RARB: variants seen among roughly 807,000 people sequenced by gnomAD.
The protein encoded by RARB is retinoic acid receptor beta, also known as HBV-activated protein.
RARB carries 17 observed loss-of-function variants against 51.9 expected under a neutral mutation model. The observed-to-expected ratio is 0.33, with a 90% CI of 0.22 to 0.49. The LOEUF (loss-of-function observed/expected upper bound fraction) is 0.49. RARB is among the 20% of genes least tolerant of loss of function. RARB has a pLI of 0.99. For synonymous variants in RARB, 215 were observed against 195.4 expected, an observed-to-expected ratio of 1.10 and a Z score of -0.84; for missense variants, 369 against 550.8, an observed-to-expected ratio of 0.67 and a Z score of 3.30.
At position 25,240,413 on chromosome 3, in the gene RARB, T is replaced by C. The variant is rs112567412; in HGVS notation, c.178+65838T>C. On this transcript the variant is annotated intron_variant, in intron 5 of 11. Transcript: ENST00000383772. ...GCATCCTTGTCTTGTTCTAGTTCTT[T>C]TAGAAAAGGCTTTCAACTCTTTTCC... Among the ~76,000 whole-genome samples, 427 of 152,294 alleles carry C rather than the reference T, an allele frequency of 2.8e-3. 3 individuals are homozygous for C. Among genetic ancestry groups the C allele is most frequent in the African/African-American group, 9.9e-3 (412 of 41,570 alleles).
intron 2 of RARB, among the ~76,000 whole-genome samples, chr3:24,876,953 C>T (rs1703058344): frequency 6.6e-6 from 1 of 152,046 alleles, no homozygotes; most frequent in African/African-American, 2.4e-5. Flanking sequence ...TTATTAATGC[C>T]AGTGCTATTA....
rs74900286 is a variant in RARB, at chr3:24,930,704, C to G, written c.-380+71952C>G. Among the ~76,000 whole-genome samples the G allele has an allele frequency of 5.9e-5, 9 of 152,170 alleles. No homozygotes were observed. In the East Asian group the frequency reaches 1.7e-3, roughly 29 times the overall value. ...TTATAGCAACACTGTAAGATATGCA[C>G]CCTAATAAAAATGAGGAGACCTGGC... On this transcript the variant is annotated intron_variant, in intron 2 of 11. Coordinates refer to the RARB transcript ENST00000383772.
At chr3:25,022,221 C>T (rs976208548) in intron 2 of RARB, among the ~76,000 whole-genome samples, 1 of 152,214 alleles carries the variant, frequency 6.6e-6, no homozygotes, top group African/African-American at 2.4e-5. Flanking sequence ...ACCAGCATCT[C>T]AGAAGCCTCC....
Position 25,068,681 on chromosome 3 carries a change from A to G in RARB, c.-328+8505A>G, listed in dbSNP as rs1019511833. Among the ~76,000 whole-genome samples, 11 of 152,146 alleles carry G rather than the reference A, an allele frequency of 7.2e-5. 1 individual carries two copies. The highest frequency in any genetic ancestry group is 1.5e-5 in the Non-Finnish European group (1 of 68,036). On this transcript the variant is annotated intron_variant, in intron 3 of 11. Coordinates refer to the RARB transcript ENST00000383772. ...GGACTTGACTGGGCTTATATGTCCTATGGTGCAGTCCCTCAGCACAAAGCA... is the reference window on the plus strand; with the variant it reads ...GGACTTGACTGGGCTTATATGTCCTGTGGTGCAGTCCCTCAGCACAAAGCA...
chr3:25,423,154 T>C (rs1274265007), intron 5 of RARB, among the ~76,000 whole-genome samples: 1 of 152,244 alleles, frequency 6.6e-6, no homozygotes, highest in Non-Finnish European at 1.5e-5. Context: ...ATAACTGCTT[T>C]GGAGTACAAT....
intron 2 of RARB, among the ~76,000 whole-genome samples, chr3:25,481,729 C>G (rs1011633793): frequency 2.6e-5 from 4 of 152,228 alleles, no homozygotes; most frequent in African/African-American, 4.8e-5. Context: ...CTTTCCTGGT[C>G]TCACCTTACT....
At chr3:25,463,858 G>A (rs966956476) in intron 2 of RARB, among the ~76,000 whole-genome samples, 2 of 152,070 alleles carry the variant, frequency 1.3e-5, no homozygotes, top group African/African-American at 2.4e-5. Flanking sequence ...CTATTTTATG[G>A]CAATTCTCTT....
intron 2 of RARB, among the ~76,000 whole-genome samples, chr3:24,865,753 G>A (rs143001247): frequency 2.0e-5 from 3 of 152,276 alleles, no homozygotes; most frequent in Admixed American, 6.5e-5. Context: ...TTAAATTGAT[G>A]TGACACATCA....
intron 2 of RARB, among the ~76,000 whole-genome samples, chr3:24,996,249 T>C (rs1697035898): frequency 6.6e-6 from 1 of 152,022 alleles, no homozygotes; most frequent in African/African-American, 2.4e-5. Flanking sequence ...TGGCCTATAG[T>C]TGTTTATAGT....
intron 5 of RARB, among the ~76,000 whole-genome samples, chr3:25,193,848 A>G (rs928307691): frequency 1.3e-5 from 2 of 152,038 alleles, no homozygotes; most frequent in African/African-American, 4.8e-5. Flanking sequence ...CATATACACT[A>G]TACTGACACT....
At chr3:25,458,841 G>C (rs1010432071) in intron 1 of RARB, among the ~76,000 whole-genome samples, 4 of 152,048 alleles carry the variant, frequency 2.6e-5, no homozygotes, top group African/African-American at 9.7e-5. Flanking sequence ...AGGAAGCAAA[G>C]GAGTATAAGA....
chr3:24,938,609 G>T (rs1289819921), intron 2 of RARB, among the ~76,000 whole-genome samples: 1 of 152,080 alleles, frequency 6.6e-6, no homozygotes, highest in Admixed American at 6.6e-5. Flanking sequence ...ATTTTAAATG[G>T]ACAATTAAGT....
chr3:25,092,651 G>A (rs1699219490), intron 3 of RARB, among the ~76,000 whole-genome samples: 1 of 152,066 alleles, frequency 6.6e-6, no homozygotes, highest in African/African-American at 2.4e-5. Flanking sequence ...AAAGAATGTG[G>A]GAGATTTTTT....
At chr3:25,537,401 C>T (rs7616062) in intron 3 of RARB, among the ~76,000 whole-genome samples, 44,461 of 152,068 alleles carry the variant, frequency 0.29, 7,690 homozygotes, top group African/African-American at 0.49. Flanking sequence ...GAATAGGCCC[C>T]GAATGTGCTG....
chr3:25,072,353 C>G (rs1698784067), intron 3 of RARB, among the ~76,000 whole-genome samples: 1 of 152,152 alleles, frequency 6.6e-6, no homozygotes, highest in African/African-American at 2.4e-5. Context: ...AGACCCAGTG[C>G]TGTTTGTTAG....
intron 1 of RARB, among the ~76,000 whole-genome samples, chr3:25,447,394 C>T (rs1168887952): frequency 6.6e-6 from 1 of 152,142 alleles, no homozygotes; most frequent in Non-Finnish European, 1.5e-5. Flanking sequence ...GCCATGTTTG[C>T]CTTGTGGCAT....
chr3:25,367,251 A>G lies in RARB; in HGVS notation c.179-93942A>G, dbSNP rs191625508. On this transcript the variant is annotated intron_variant, in intron 5 of 11. Transcript: ENST00000383772. ...TCATTTTGGCAGACAATTCCAGGCT[A>G]TGGTAGCATTTGAGCAATCTCCTCT... Among the ~76,000 whole-genome samples the G allele has an allele frequency of 1.3e-4, 20 of 152,310 alleles. 1 individual carries two copies. The East Asian group carries it at 3.5e-3, about 26-fold the overall frequency.
At chr3:24,894,163 A>T (rs1399600460) in intron 2 of RARB, among the ~76,000 whole-genome samples, 1 of 152,112 alleles carries the variant, frequency 6.6e-6, no homozygotes, top group African/African-American at 2.4e-5. Context: ...GTGCATGTTT[A>T]CCTGGGTATA....
intron 3 of RARB, among the ~76,000 whole-genome samples, chr3:25,114,780 T>C (rs756540837): frequency 2.0e-5 from 3 of 152,220 alleles, no homozygotes; most frequent in Non-Finnish European, 4.4e-5. Flanking sequence ...AGCTCTAACA[T>C]GCCAAATGAT....
Sources: allele counts gnomAD v4.1 joint callset (sites outside exome capture counted in the v4.1 genomes callset), GRCh38; gene constraint gnomAD v4.1.1; transcripts MANE v1.5; gene names NCBI Gene and HGNC (gene_info 2026-07-23, HGNC 2026-07-21).